The following GRM8 variants were observed in gnomAD, a reference collection of about 807,000 sequenced individuals.
GRM8 encodes glutamate metabotropic receptor 8.
A neutral mutation model predicts 87.2 loss-of-function variants in GRM8; 47 were observed. The observed-to-expected ratio is 0.54, with a 90% CI of 0.43 to 0.69. The LOEUF (loss-of-function observed/expected upper bound fraction) is 0.69, where lower values mean the gene tolerates loss of function less well. GRM8 is among the 30% of genes least tolerant of loss of function. The pLI, the probability that GRM8 is intolerant of heterozygous loss-of-function variation, is 0.00. For missense variants in GRM8, 1,019 were observed against 1,139.2 expected (o/e 0.89, Z 1.52); for synonymous variants, 396 against 404.5 (o/e 0.98, Z 0.25).
intron 3 of GRM8, among the ~76,000 whole-genome samples, chr7:127,022,310 G>T (rs1402080653): frequency 6.6e-6 from 1 of 151,992 alleles, no homozygotes; most frequent in African/African-American, 2.4e-5. Context: ...CTAGATGTTT[G>T]AAGGATTTGT....
intron 3 of GRM8, among the ~76,000 whole-genome samples, chr7:126,917,151 T>G (rs1224091069): frequency 6.6e-6 from 1 of 152,194 alleles, no homozygotes; most frequent in South Asian, 2.1e-4. Context: ...AATATTTTTG[T>G]TTTTTGTGGA....
At chr7:126,510,075 C>T (rs1811103671) in intron 9 of GRM8, among the ~76,000 whole-genome samples, 1 of 151,960 alleles carries the variant, frequency 6.6e-6, no homozygotes, top group Non-Finnish European at 1.5e-5. Context: ...TGAGTTCCCT[C>T]TGGGAAGGAT....
chr7:126,723,244 A>T (rs908344233), intron 7 of GRM8, among the ~76,000 whole-genome samples: 1 of 151,898 alleles, frequency 6.6e-6, no homozygotes, highest in Non-Finnish European at 1.5e-5. Flanking sequence ...TATAAGAAAT[A>T]TCTTCTTCAC....
At chr7:126,931,979 A>G (rs1033116157) in intron 3 of GRM8, among the ~76,000 whole-genome samples, 5 of 152,130 alleles carry the variant, frequency 3.3e-5, no homozygotes, top group African/African-American at 4.8e-5. Context: ...TCTACTTACT[A>G]TGCTAATTAA....
At chr7:126,571,338 C>T (rs186526781) in intron 8 of GRM8, among the ~76,000 whole-genome samples, 1 of 152,134 alleles carries the variant, frequency 6.6e-6, no homozygotes, top group East Asian at 1.9e-4. Flanking sequence ...AGACACAGCA[C>T]ACAGAGATAG....
chr7:127,208,728 T>C (rs1220049609), intron 2 of GRM8, among the ~76,000 whole-genome samples: 1 of 152,226 alleles, frequency 6.6e-6, no homozygotes, highest in Non-Finnish European at 1.5e-5. Context: ...GCCACTTTCT[T>C]CAGTCCTCTA....
intron 6 of GRM8, among the ~76,000 whole-genome samples, chr7:126,787,347 G>A (rs187116482): frequency 1.3e-5 from 2 of 152,226 alleles, no homozygotes; most frequent in African/African-American, 4.8e-5. Context: ...AAAGAGGGGA[G>A]GGAGTAATAA....
chr7:126,763,873 T>C (rs1172379094), intron 7 of GRM8, among the ~76,000 whole-genome samples: 1 of 151,992 alleles, frequency 6.6e-6, no homozygotes, highest in African/African-American at 2.4e-5. Context: ...TACTTAGCTC[T>C]TCTGTCCATA....
intron 3 of GRM8, among the ~76,000 whole-genome samples, chr7:127,040,617 A>G (rs1172725994): frequency 1.3e-4 from 18 of 136,306 alleles, no homozygotes; most frequent in Non-Finnish European, 2.7e-4. Context: ...AAAAAAAAAA[A>G]AGAGACTGGC....
At chr7:126,837,495 T>C (rs1371531592) in intron 6 of GRM8, among the ~76,000 whole-genome samples, 3 of 152,232 alleles carry the variant, frequency 2.0e-5, no homozygotes, top group African/African-American at 4.8e-5. Flanking sequence ...AAATGGCCAT[T>C]CATGAGTGGA....
intron 8 of GRM8, among the ~76,000 whole-genome samples, chr7:126,561,765 A>T: frequency 7.7e-6 from 1 of 130,360 alleles, no homozygotes; most frequent in South Asian, 3.2e-4. Flanking sequence ...TCCTAATGTT[A>T]TCCCTCCCCC....
chr7:126,813,267 G>C (rs1215090441), intron 6 of GRM8, among the ~76,000 whole-genome samples: 1 of 152,086 alleles, frequency 6.6e-6, no homozygotes, highest in Non-Finnish European at 1.5e-5. Flanking sequence ...TGCTATAGCA[G>C]ATCATTCTGC....
chr7:126,616,232 T>C lies in GRM8; in HGVS notation c.1358-6734A>G, dbSNP rs1432213226. The stretch of plus-strand genomic sequence containing the variant: ...CAGGATTAAGAATCTCACTCAAAAC[T>C]GCTCAACTACATGGAAACTGAACAA... On this transcript the variant is annotated intron_variant, in intron 7 of 10. Coordinates refer to ENST00000339582, the MANE Select transcript of GRM8 (RefSeq NM_000845.3). Among the ~76,000 whole-genome samples, 5 of 152,184 alleles carry C rather than the reference T, an allele frequency of 3.3e-5. No homozygotes were observed. The East Asian group carries it at 7.7e-4, about 24-fold the overall frequency.
intron 6 of GRM8, among the ~76,000 whole-genome samples, chr7:126,786,986 C>A (rs909955714): frequency 1.3e-5 from 2 of 152,156 alleles, no homozygotes; most frequent in African/African-American, 4.8e-5. Flanking sequence ...CTCTTTTCTG[C>A]ACCCATGTGT....
At chr7:127,205,362 A>G (rs1446030349) in intron 2 of GRM8, among the ~76,000 whole-genome samples, 3 of 152,194 alleles carry the variant, frequency 2.0e-5, no homozygotes, top group African/African-American at 4.8e-5. Flanking sequence ...ATGTAGTCAC[A>G]TTTACATTAA....
At chr7:127,027,484 A>G (rs960644961) in intron 3 of GRM8, among the ~76,000 whole-genome samples, 1 of 152,142 alleles carries the variant, frequency 6.6e-6, no homozygotes, top group African/African-American at 2.4e-5. Context: ...ATGTTCTTCC[A>G]TTTGTTTGTG....
chr7:126,498,742 T>C (rs972184046), intron 9 of GRM8, among the ~76,000 whole-genome samples: 5 of 152,032 alleles, frequency 3.3e-5, no homozygotes, highest in African/African-American at 1.2e-4. Context: ...TCAAGCTTCA[T>C]TGGCAGTACC....
At chr7:126,664,713 G>C (rs1805577048) in intron 7 of GRM8, among the ~76,000 whole-genome samples, 2 of 151,734 alleles carry the variant, frequency 1.3e-5, no homozygotes, top group African/African-American at 4.8e-5. Context: ...ATTGGCCTTG[G>C]GAAAAAAAAT....
intron 9 of GRM8, among the ~76,000 whole-genome samples, chr7:126,471,394 C>G (rs1249219834): frequency 3.9e-5 from 6 of 152,052 alleles, no homozygotes; most frequent in African/African-American, 1.4e-4. Flanking sequence ...GATCCAGTTT[C>G]AGCTTTCTAT....
Sources: allele counts gnomAD v4.1 joint callset (sites outside exome capture counted in the v4.1 genomes callset), GRCh38; gene constraint gnomAD v4.1.1; transcripts MANE v1.5; gene names NCBI Gene and HGNC (gene_info 2026-07-23, HGNC 2026-07-21).